Variants in STXBP4 observed in about 807,000 individuals in gnomAD.
STXBP4 encodes syntaxin-binding protein 4.
STXBP4 carries 55 observed loss-of-function variants against 76.1 expected under a neutral mutation model. The observed-to-expected ratio is 0.72, with a 90% CI of 0.58 to 0.91. The LOEUF is 0.91. STXBP4 is among the 40% of genes least tolerant of loss of function. The probability of loss-of-function intolerance (pLI) is 0.00; values close to 1 mark genes in which losing one functional copy is unlikely to be tolerated. For missense variants in STXBP4, 618 were observed against 636.9 expected (o/e 0.97, Z 0.32); for synonymous variants, 201 against 220.2 (o/e 0.91, Z 0.77).
the STXBP4 span, among the ~76,000 whole-genome samples, chr17:55,190,876 A>C: frequency 6.6e-6 from 1 of 152,214 alleles, no homozygotes. Flanking sequence ...TACACACTTC[A>C]TCTGCTGACT....
chr17:55,057,319 T>C (rs908298169), intron 12 of STXBP4, among the ~76,000 whole-genome samples: 1 of 152,192 alleles, frequency 6.6e-6, no homozygotes, highest in African/African-American at 2.4e-5. Flanking sequence ...AGAAAATGTA[T>C]TGTCCTCCTT....
At chr17:55,208,648 A>T in the STXBP4 span, among the ~76,000 whole-genome samples, 2 of 137,332 alleles carry the variant, frequency 1.5e-5, no homozygotes, top group East Asian at 2.3e-4. Context: ...GTAAGAATAC[A>T]ACCATGTTGT....
At chr17:54,982,129 A>C (rs1351039988) in intron 1 of STXBP4, among the ~76,000 whole-genome samples, 1 of 151,896 alleles carries the variant, frequency 6.6e-6, no homozygotes, top group Non-Finnish European at 1.5e-5. Context: ...GCATTTTTGT[A>C]ATTTCATTAA....
rs1386097054 is a variant in STXBP4 at position 55,167,525 on chromosome 17, G to C, written c.*7614G>C. On this transcript the variant is annotated 3_prime_UTR_variant, in exon 18 of 18. Coordinates refer to ENST00000376352, the MANE Select transcript of STXBP4 (RefSeq NM_178509.6). Reference sequence around the variant, plus strand: ...CTTAAGTTGGGCCATAAAACTCACAGTATGATCGCAGTAAAAGGATTGTAA... The same window carrying C: ...CTTAAGTTGGGCCATAAAACTCACACTATGATCGCAGTAAAAGGATTGTAA... 8.5e-5 allele frequency: 13 copies of C among 152,210 alleles called. No homozygotes were observed. The highest frequency in any genetic ancestry group is 8.5e-4 in the Admixed American group (13 of 15,280). 9.4% of individuals were successfully genotyped at this position (152,210 alleles called of 1,614,324 possible).
intron 11 of STXBP4, among the ~76,000 whole-genome samples, chr17:55,045,701 A>AACTC (rs2078776114): frequency 6.6e-6 from 1 of 152,100 alleles, no homozygotes; most frequent in Non-Finnish European, 1.5e-5. Context: ...TAAGCCGGCA[A>AACTC]CCAGCTAGCT....
At chr17:55,056,351 A>G (rs928393595) in intron 12 of STXBP4, among the ~76,000 whole-genome samples, 1 of 152,146 alleles carries the variant, frequency 6.6e-6, no homozygotes, top group Non-Finnish European at 1.5e-5. Context: ...CTGAATTTTC[A>G]TTGGAAATAC....
intron 8 of STXBP4, among the ~76,000 whole-genome samples, chr17:55,018,549 G>C (rs1433953406): frequency 1.3e-5 from 2 of 152,192 alleles, no homozygotes; most frequent in Non-Finnish European, 2.9e-5. Context: ...GCATCCGTGT[G>C]AAGAGACCAC....
At chr17:55,045,203 T>TC (rs1330564501) in intron 11 of STXBP4, among the ~76,000 whole-genome samples, 2 of 152,128 alleles carry the variant, frequency 1.3e-5, no homozygotes, top group Non-Finnish European at 2.9e-5. Flanking sequence ...TATGAGCATT[T>TC]CACTACTATA....
chr17:55,098,892 A>G (rs958261987), intron 16 of STXBP4, among the ~76,000 whole-genome samples: 2 of 152,186 alleles, frequency 1.3e-5, no homozygotes, highest in African/African-American at 4.8e-5. Flanking sequence ...CTTCTTTACC[A>G]CAATTAGCTA....
Position 55,072,991 on chromosome 17 carries a change from T to G in STXBP4, c.1103T>G (p.Met368Arg). ...CAGAGACAGGCACATGGAATGGAAA[T>G]GGACTATGAAGAAGTGATCCGTCTG... ...AAQRQAHGME[M>R]DYEEVIRLLE... The change falls in exon 13 of 18, where the codon ATG becomes AGG. Residue 368 changes from methionine (M) to arginine (R), a missense_variant. Met to Arg is a moderately conservative substitution (Grantham distance 91, BLOSUM62 -1). Transcript: ENST00000376352. 6.2e-7 allele frequency: 1 copy of G among 1,613,986 alleles called. No individual in the cohort carries two copies. Among genetic ancestry groups the G allele is most frequent in the Non-Finnish European group, 8.5e-7 (1 of 1,179,930 alleles).
the STXBP4 span, among the ~76,000 whole-genome samples, chr17:55,186,997 A>G: frequency 2.0e-4 from 30 of 152,378 alleles, no homozygotes; most frequent in East Asian, 7.7e-4. Flanking sequence ...CATGAAAGGT[A>G]TTCATTCAAG....
intron 8 of STXBP4, among the ~76,000 whole-genome samples, chr17:55,030,646 A>G (rs2078491042): frequency 6.6e-6 from 1 of 152,236 alleles, no homozygotes; most frequent in Non-Finnish European, 1.5e-5. Context: ...CTTTTCCCTT[A>G]AGGGGAAGAG....
At chr17:55,131,159 T>C (rs2079969920) in intron 16 of STXBP4, among the ~76,000 whole-genome samples, 1 of 152,246 alleles carries the variant, frequency 6.6e-6, no homozygotes, top group East Asian at 1.9e-4. Context: ...TTCTTTTTTC[T>C]CTGCATTCTC....
At position 55,169,763 on chromosome 17, in the gene STXBP4, C is replaced by G. The variant is rs1598363007; in HGVS notation, c.*9852C>G. The G allele has an allele frequency of 6.6e-6, 1 of 152,134 alleles. No individual in the cohort carries two copies. The highest frequency in any genetic ancestry group is 1.5e-5 in the Non-Finnish European group (1 of 68,028). 9.4% of individuals were successfully genotyped at this position (152,134 alleles called of 1,614,324 possible). ...GTGTTAAAAGCTATTTCTAAAAACC[C>G]TAACATGAAATACTTAGAAGAGATC... On this transcript the variant is annotated 3_prime_UTR_variant, in exon 18 of 18. Coordinates refer to ENST00000376352, the MANE Select transcript of STXBP4 (RefSeq NM_178509.6).
At position 54,991,823 on chromosome 17, in the gene STXBP4, A is replaced by G. The variant is rs577014831; in HGVS notation, c.180+866A>G. ...TTTAATAAAATTATATTAATAATTA[A>G]GAATTAATAAAATATTCTATTAATA... On this transcript the variant is annotated intron_variant, in intron 4 of 17. Coordinates refer to ENST00000376352, the MANE Select transcript of STXBP4 (RefSeq NM_178509.6). 17 of 151,380 alleles carry G rather than the reference A, an allele frequency of 1.1e-4. No individual in the cohort carries two copies. The South Asian group carries it at 3.5e-3, about 31-fold the overall frequency. The allele number at this position is 151,380 out of a possible 1,614,324, so 9.4% of individuals were successfully genotyped here.
intron 12 of STXBP4, among the ~76,000 whole-genome samples, chr17:55,050,348 T>C (rs1482078611): frequency 6.6e-6 from 1 of 152,010 alleles, no homozygotes; most frequent in Non-Finnish European, 1.5e-5. Flanking sequence ...TATAAAAATG[T>C]CCATTAAACA....
the STXBP4 span, among the ~76,000 whole-genome samples, chr17:55,205,171 A>G: frequency 6.6e-6 from 1 of 152,110 alleles, no homozygotes; most frequent in Non-Finnish European, 1.5e-5. Context: ...ATTTGTCTTT[A>G]TATTATAAAG....
chr17:55,115,231 C>T (rs573113870), intron 16 of STXBP4, among the ~76,000 whole-genome samples: 25 of 151,904 alleles, frequency 1.6e-4, no homozygotes, highest in African/African-American at 6.0e-4. Flanking sequence ...TGCAGTAAAT[C>T]AACCTCCAAA....
At chr17:55,141,221 A>T in intron 16 of STXBP4, 89 bp from the exon 17 acceptor site, 1 of 1,064,060 alleles carries the variant, frequency 9.4e-7, no homozygotes, top group Non-Finnish European at 1.4e-6. Context: ...GTGCTCAAAT[A>T]ATTGTAAAGA....
Sources: allele counts gnomAD v4.1 joint callset (sites outside exome capture counted in the v4.1 genomes callset), GRCh38; gene constraint gnomAD v4.1.1; transcripts MANE v1.5; gene names NCBI Gene and HGNC (gene_info 2026-07-23, HGNC 2026-07-21).